Variants in DIS3L2 observed in about 807,000 individuals in gnomAD.
DIS3L2 encodes DIS3-like exonuclease 2.
A neutral mutation model predicts 97.5 loss-of-function variants in DIS3L2; 34 were observed. The observed-to-expected ratio is 0.35, with a 90% confidence interval of 0.27 to 0.46. The LOEUF is 0.46. Ranked by LOEUF, DIS3L2 falls within the 20% of genes least tolerant of loss-of-function variation. DIS3L2 has a pLI of 1.00. For synonymous variants in DIS3L2, 435 were observed against 445.2 expected, an observed-to-expected ratio of 0.98 and a Z score of 0.29; for missense variants, 1,038 against 1,146.0, an observed-to-expected ratio of 0.91 and a Z score of 1.36.
chr2:231,981,603 TATA>T (rs1320036174), intron 1 of DIS3L2, among the ~76,000 whole-genome samples: 3 of 93,736 alleles, frequency 3.2e-5, no homozygotes, highest in Non-Finnish European at 6.3e-5. Flanking sequence ...GTATTTTATA[TATA>T]TATATATATA....
intron 1 of DIS3L2, among the ~76,000 whole-genome samples, chr2:231,992,547 C>CA (rs1376899158): frequency 6.6e-6 from 1 of 152,182 alleles, no homozygotes; most frequent in East Asian, 1.9e-4. Context: ...ATTTCACAAG[C>CA]AATCAACAGC....
chr2:232,071,800 A>G (rs549959684), intron 5 of DIS3L2, among the ~76,000 whole-genome samples: 45 of 152,276 alleles, frequency 3.0e-4, no homozygotes, highest in African/African-American at 1.1e-3. Context: ...TGGCCTCCCA[A>G]AATGCTGGGA....
chr2:232,052,045 A>G (rs1398425297), intron 5 of DIS3L2, among the ~76,000 whole-genome samples: 1 of 146,478 alleles, frequency 6.8e-6, no homozygotes, highest in Non-Finnish European at 1.5e-5. Context: ...TTTTTTTGAG[A>G]TGGAGTTTCC....
intron 13 of DIS3L2, among the ~76,000 whole-genome samples, chr2:232,278,315 C>T (rs1222323851): frequency 2.0e-5 from 3 of 151,844 alleles, no homozygotes; most frequent in Admixed American, 2.0e-4. Flanking sequence ...GCACTTTTTT[C>T]CCTGCTAAGG....
At chr2:232,026,646 G>A (rs1574821620) in intron 4 of DIS3L2, among the ~76,000 whole-genome samples, 1 of 152,084 alleles carries the variant, frequency 6.6e-6, no homozygotes, top group Admixed American at 6.6e-5. Context: ...TGAACTCCTT[G>A]TCTGATGGGG....
intron 1 of DIS3L2, among the ~76,000 whole-genome samples, chr2:231,968,186 C>T (rs1296355723): frequency 6.6e-6 from 1 of 151,876 alleles, no homozygotes; most frequent in Non-Finnish European, 1.5e-5. Flanking sequence ...CAAGCTTCGC[C>T]TCCCAGGTTC....
intron 5 of DIS3L2, among the ~76,000 whole-genome samples, chr2:232,076,182 C>T (rs1234042700): frequency 2.0e-5 from 3 of 152,196 alleles, no homozygotes; most frequent in Admixed American, 6.5e-5. Flanking sequence ...CGATTATTTG[C>T]CATTCCTAAA....
At chr2:232,327,711 A>G (rs944187465) in intron 14 of DIS3L2, among the ~76,000 whole-genome samples, 6 of 152,204 alleles carry the variant, frequency 3.9e-5, no homozygotes, top group Non-Finnish European at 7.3e-5. Context: ...GGAGGCTTCA[A>G]AAGAATTGAG....
intron 13 of DIS3L2, among the ~76,000 whole-genome samples, chr2:232,279,261 G>T (rs187487425): frequency 3.9e-5 from 6 of 152,288 alleles, no homozygotes; most frequent in African/African-American, 1.4e-4. Flanking sequence ...TTATGTGCTT[G>T]TCAGCACTTG....
At chr2:232,211,569 C>T (rs1214682577) in intron 10 of DIS3L2, among the ~76,000 whole-genome samples, 2 of 152,234 alleles carry the variant, frequency 1.3e-5, no homozygotes, top group Non-Finnish European at 2.9e-5. Flanking sequence ...ATGGCCTTGG[C>T]ACTAACATGG....
chr2:232,006,335 A>T (rs1016142193), intron 1 of DIS3L2, among the ~76,000 whole-genome samples: 1 of 152,252 alleles, frequency 6.6e-6, no homozygotes, highest in African/African-American at 2.4e-5. Context: ...CGTTGTAACA[A>T]CCTGAATTCA....
chr2:232,337,103 C>G lies in DIS3L2; in HGVS notation c.*473C>G, dbSNP rs1695984643. ...ATGTCAACACCTGGAACTTTCCTGT[C>G]AGTTCCAACACGATTCAGAGCTGGC... On this transcript the variant is annotated 3_prime_UTR_variant, in exon 21 of 21. Transcript: ENST00000325385. 1 of 1,023,082 alleles carries G rather than the reference C, an allele frequency of 9.8e-7. No individual in the cohort carries two copies. The highest frequency in any genetic ancestry group is 1.2e-6 in the Non-Finnish European group (1 of 855,374). The allele number at this position is 1,023,082 out of a possible 1,614,324, so 63.4% of individuals were successfully genotyped here.
At chr2:232,333,188 T>G (rs1213751106) in intron 16 of DIS3L2, among the ~76,000 whole-genome samples, 18 of 38,526 alleles carry the variant, frequency 4.7e-4, no homozygotes, top group Admixed American at 9.4e-4. Context: ...CTCCTCCTCC[T>G]CCTCCTCCTC....
intron 12 of DIS3L2, among the ~76,000 whole-genome samples, chr2:232,261,839 A>G (rs1190047432): frequency 2.6e-5 from 4 of 152,204 alleles, no homozygotes; most frequent in Non-Finnish European, 4.4e-5. Flanking sequence ...CAGCTTTGCC[A>G]GTCTCTAGCA....
intron 6 of DIS3L2, among the ~76,000 whole-genome samples, chr2:232,105,978 C>A (rs1304192964): frequency 6.6e-6 from 1 of 152,148 alleles, no homozygotes; most frequent in Non-Finnish European, 1.5e-5. Flanking sequence ...TTTTATAATT[C>A]ATTTTCCTTG....
At chr2:232,322,957 G>A (rs1189406330) in intron 14 of DIS3L2, among the ~76,000 whole-genome samples, 2 of 152,196 alleles carry the variant, frequency 1.3e-5, no homozygotes, top group Non-Finnish European at 2.9e-5. Flanking sequence ...TTCCCCTGCT[G>A]GGGCTTGAAA....
At chr2:232,082,207 G>C (rs1480039466) in intron 5 of DIS3L2, among the ~76,000 whole-genome samples, 1 of 152,162 alleles carries the variant, frequency 6.6e-6, no homozygotes, top group Non-Finnish European at 1.5e-5. Context: ...TTTCTTATGT[G>C]TTTTAGGATA....
intron 6 of DIS3L2, among the ~76,000 whole-genome samples, chr2:232,092,911 G>T (rs1013908769): frequency 2.6e-5 from 4 of 152,066 alleles, no homozygotes; most frequent in African/African-American, 9.7e-5. Flanking sequence ...GCTCTAGCTA[G>T]GACTTCCAGT....
chr2:232,019,931 C>T (rs1018090173), intron 3 of DIS3L2, among the ~76,000 whole-genome samples: 2 of 151,798 alleles, frequency 1.3e-5, no homozygotes, highest in Non-Finnish European at 2.9e-5. Context: ...TTAGTAGGGT[C>T]GTTAGGGAAA....
Sources: allele counts gnomAD v4.1 joint callset (sites outside exome capture counted in the v4.1 genomes callset), GRCh38; gene constraint gnomAD v4.1.1; transcripts MANE v1.5; gene names NCBI Gene and HGNC (gene_info 2026-07-23, HGNC 2026-07-21).